The following SLIT3 variants were observed in gnomAD, a reference collection of about 807,000 sequenced individuals.
The protein encoded by SLIT3 is slit guidance ligand 3, also known as slit homolog 3 protein.
A neutral mutation model predicts 184.0 loss-of-function variants in SLIT3; 68 were observed. The ratio of observed to expected loss-of-function variants is 0.37; its 90% CI spans 0.30 to 0.45. The LOEUF (loss-of-function observed/expected upper bound fraction) is 0.45, where lower values mean the gene tolerates loss of function less well. Among genes scored for constraint, SLIT3 ranks in the 20% least tolerant of loss-of-function variants. SLIT3 has a pLI of 1.00. For missense variants in SLIT3, 1,707 were observed against 2,026.0 expected, an observed-to-expected ratio of 0.84 and a Z score of 3.02; for synonymous variants, 831 against 828.6, an observed-to-expected ratio of 1.00 and a Z score of -0.05.
chr5:168,723,443 C>A (rs1763009801), intron 21 of SLIT3, among the ~76,000 whole-genome samples: 1 of 152,098 alleles, frequency 6.6e-6, no homozygotes, highest in African/African-American at 2.4e-5. Flanking sequence ...AAGCAACTGT[C>A]ATTCATTTAT....
At chr5:169,055,500 C>T (rs936793860) in intron 4 of SLIT3, among the ~76,000 whole-genome samples, 3 of 152,052 alleles carry the variant, frequency 2.0e-5, no homozygotes, top group African/African-American at 7.2e-5. Context: ...AGCAAAAAGG[C>T]CAGGAAGAGG....
At position 168,664,662 on chromosome 5, in the gene SLIT3, A is replaced by G. The variant is rs754321061; in HGVS notation, c.*1792T>C. Reference sequence around the variant, plus strand: ...GGGAACCTGAGGGCTGAAAGGTCCAATGAATTCCAAACTCTTCTCCCTGAA... The same window carrying G: ...GGGAACCTGAGGGCTGAAAGGTCCAGTGAATTCCAAACTCTTCTCCCTGAA... On this transcript the variant is annotated 3_prime_UTR_variant, in exon 36 of 36. Coordinates refer to ENST00000519560, the MANE Select transcript of SLIT3 (RefSeq NM_003062.4). The G allele has an allele frequency of 2.6e-5, 4 of 152,230 alleles. No individual in the cohort carries two copies. The highest frequency in any genetic ancestry group is 4.4e-5 in the Non-Finnish European group (3 of 68,076). The allele number at this position is 152,230 out of a possible 1,614,324, so 9.4% of individuals were successfully genotyped here. A position where few individuals can be genotyped will look rare whatever the true frequency, so the allele number is the denominator to read the frequency against.
intron 1 of SLIT3, among the ~76,000 whole-genome samples, chr5:169,293,556 G>C (rs1394315253): frequency 6.6e-6 from 1 of 152,128 alleles, no homozygotes; most frequent in East Asian, 1.9e-4. Flanking sequence ...GGGTGCCCTT[G>C]GTTCCAGGCA....
intron 4 of SLIT3, among the ~76,000 whole-genome samples, chr5:169,156,953 T>C (rs138866207): frequency 1.3e-5 from 2 of 152,210 alleles, no homozygotes; most frequent in African/African-American, 4.8e-5. Flanking sequence ...TTCATATATC[T>C]CCAACCTGGC....
rs1176855012 is a variant in SLIT3, at chr5:169,204,937, G to A, written c.342-11387C>T. On this transcript the variant is annotated intron_variant, in intron 3 of 35. Transcript: ENST00000519560. ...CCACAGAAGTGTGTGTGTTTCTTCA[G>A]CAACATTCAAGTCCCCTGGGTGAGA... Among the ~76,000 whole-genome samples the A allele has an allele frequency of 2.0e-5, 3 of 152,198 alleles. No individual in the cohort carries two copies. In the East Asian group the frequency reaches 5.8e-4, roughly 29 times the overall value.
At chr5:168,768,149 A>G (rs777609704) in intron 14 of SLIT3, 2 of 516,586 alleles carry the variant, frequency 3.9e-6, no homozygotes, top group Non-Finnish European at 7.9e-6. Flanking sequence ...GCCATGCTGC[A>G]GGAGAGCACG....
intron 4 of SLIT3, among the ~76,000 whole-genome samples, chr5:169,001,327 C>T (rs950821687): frequency 3.3e-5 from 5 of 152,146 alleles, no homozygotes; most frequent in African/African-American, 1.2e-4. Flanking sequence ...AATTTGCCAT[C>T]AACTTTTCCT....
At chr5:168,717,961 G>C (rs1762798496) in intron 23 of SLIT3, 1 of 152,100 alleles carries the variant, frequency 6.6e-6, no homozygotes, top group Non-Finnish European at 1.5e-5. Flanking sequence ...TACCCGGCCT[G>C]TCTTTTCTTC....
chr5:168,817,613 C>A (rs778286167), intron 7 of SLIT3, 150 bp from the exon 8 acceptor site: 18 of 695,664 alleles, frequency 2.6e-5, no homozygotes, highest in Non-Finnish European at 4.3e-5. Context: ...TCTGCACTAC[C>A]AAAAACATGG....
chr5:169,115,898 C>T (rs957611770), intron 4 of SLIT3, among the ~76,000 whole-genome samples: 5 of 152,204 alleles, frequency 3.3e-5, no homozygotes, highest in African/African-American at 1.2e-4. Context: ...ACAAGGGCCA[C>T]CCAGCATATC....
chr5:169,218,264 C>T (rs1262563015), intron 3 of SLIT3, among the ~76,000 whole-genome samples: 4 of 152,208 alleles, frequency 2.6e-5, no homozygotes, highest in East Asian at 1.9e-4. Flanking sequence ...ATATCACCTT[C>T]GCCATGAATT....
chr5:169,174,914 T>C (rs1312835300), intron 4 of SLIT3, among the ~76,000 whole-genome samples: 1 of 151,774 alleles, frequency 6.6e-6, no homozygotes, highest in Non-Finnish European at 1.5e-5. Context: ...CAACTCCCTT[T>C]GACATGCATA....
chr5:168,907,979 T>TATAGAGAGAGAGAGAGAGAGAGAG (rs376418381), intron 4 of SLIT3, among the ~76,000 whole-genome samples: 6 of 50,088 alleles, frequency 1.2e-4, no homozygotes, highest in African/African-American at 7.5e-4. Context: ...TATATATATA[T>TATAGAGAGAGAGAGAGAGAGAGAG]AGAGAGAGAG....
At chr5:169,185,230 G>T (rs1217875470) in intron 4 of SLIT3, among the ~76,000 whole-genome samples, 16 of 152,348 alleles carry the variant, frequency 1.1e-4, no homozygotes, top group African/African-American at 3.6e-4. Flanking sequence ...CCTCACTGCA[G>T]TGTTCAGCGT....
At chr5:169,282,110 A>G (rs1423488239) in intron 1 of SLIT3, among the ~76,000 whole-genome samples, 1 of 152,214 alleles carries the variant, frequency 6.6e-6, no homozygotes, top group Non-Finnish European at 1.5e-5. Flanking sequence ...CTTTTTGAAG[A>G]TAGAGACTTG....
At chr5:168,703,226 T>TTG (rs370363011) in intron 26 of SLIT3, among the ~76,000 whole-genome samples, 7,282 of 126,524 alleles carry the variant, frequency 0.058, 241 homozygotes, top group Non-Finnish European at 0.065. Flanking sequence ...TCATCCCACT[T>TTG]TGTGTGTGTG....
chr5:168,766,925 T>A (rs1286341119), intron 14 of SLIT3, among the ~76,000 whole-genome samples: 1 of 152,248 alleles, frequency 6.6e-6, no homozygotes, highest in Non-Finnish European at 1.5e-5. Context: ...CCCTATCAAA[T>A]CACAGTTTTT....
chr5:168,951,425 T>C (rs1762648278), intron 4 of SLIT3, among the ~76,000 whole-genome samples: 1 of 152,034 alleles, frequency 6.6e-6, no homozygotes, highest in African/African-American at 2.4e-5. Context: ...GGACAGCCAC[T>C]GGGTGGGGGA....
At chr5:169,089,010 A>C (rs1759450461) in intron 4 of SLIT3, among the ~76,000 whole-genome samples, 1 of 129,068 alleles carries the variant, frequency 7.7e-6, no homozygotes, top group African/African-American at 3.1e-5. Flanking sequence ...ACAGAGCAAG[A>C]CTCCATCTCA....
Sources: gnomAD v4.1 joint callset for allele counts (sites outside exome capture counted in the v4.1 genomes callset) on GRCh38, gnomAD v4.1.1 for gene constraint, MANE v1.5 for transcripts, NCBI Gene and HGNC (gene_info 2026-07-23, HGNC 2026-07-21) for gene names.